ANK2: variants seen among roughly 807,000 people sequenced by gnomAD.
ANK2 encodes the protein ankyrin 2.
In ANK2, 83 loss-of-function variants were observed where a neutral mutation model predicts 360.5. The observed-to-expected ratio is 0.23, with a 90% CI of 0.19 to 0.28. The LOEUF is 0.28. Among genes scored for constraint, ANK2 ranks in the 10% least tolerant of loss-of-function variants. The pLI is 1.00. For missense variants in ANK2, 4,201 were observed against 4,795.7 expected (o/e 0.88, Z 3.66); for synonymous variants, 1,740 against 1,759.5 (o/e 0.99, Z 0.28).
chr4:112,878,443 C>G (rs1208095347), intron 1 of ANK2, among the ~76,000 whole-genome samples: 2 of 152,208 alleles, frequency 1.3e-5, no homozygotes, highest in Non-Finnish European at 2.9e-5. Context: ...TCTCCTGCCT[C>G]AGCCTCCCGA....
chr4:112,907,268 C>T (rs2085553351), intron 2 of ANK2, among the ~76,000 whole-genome samples: 1 of 152,158 alleles, frequency 6.6e-6, no homozygotes, highest in Admixed American at 6.5e-5. Flanking sequence ...GTCCATTTAA[C>T]TAGAAACTCT....
intron 2 of ANK2, among the ~76,000 whole-genome samples, chr4:112,921,335 A>G (rs902655844): frequency 2.2e-5 from 3 of 134,366 alleles, no homozygotes; most frequent in African/African-American, 8.2e-5. Flanking sequence ...GATTCTGTGT[A>G]TTATTTTCTT....
chr4:113,106,483 A>G (rs764542853), intron 1 of ANK2, among the ~76,000 whole-genome samples: 3 of 151,468 alleles, frequency 2.0e-5, no homozygotes, highest in Non-Finnish European at 4.4e-5. Context: ...GATAATTGAA[A>G]CCCTCCACTC....
At chr4:113,248,547 A>G (rs2044285912) in intron 9 of ANK2, among the ~76,000 whole-genome samples, 1 of 152,148 alleles carries the variant, frequency 6.6e-6, no homozygotes, top group African/African-American at 2.4e-5. Flanking sequence ...TACAGTGGCC[A>G]GTCTGTTGGG....
rs544128107 is a variant in ANK2 at position 113,145,671 on chromosome 4, C to T, written c.85-28745C>T. ...GTCACTGAATGCAGCCTGCAGTTGC[C>T]GGGGGTTTTGAGTTCTCTCTGACAC... is the stretch of plus-strand genomic sequence containing the variant. On this transcript the variant is annotated intron_variant, in intron 1 of 45. Coordinates refer to ENST00000357077, the MANE Select transcript of ANK2 (RefSeq NM_001148.6). The T allele has an allele frequency of 3.1e-4, 355 of 1,133,056 alleles. 2 individuals carry two copies. In the South Asian group the frequency reaches 5.2e-3, roughly 17 times the overall value. The allele number at this position is 1,133,056 out of a possible 1,614,324, so 70.2% of individuals were successfully genotyped here. A position where few individuals can be genotyped will look rare whatever the true frequency, so the allele number is the denominator to read the frequency against.
At chr4:113,249,637 C>T in intron 9 of ANK2, 127 bp from the exon 10 acceptor site, 2 of 821,020 alleles carry the variant, frequency 2.4e-6, no homozygotes, top group Non-Finnish European at 4.1e-6. Flanking sequence ...TAACAAATTG[C>T]AGTTCTATTA....
chr4:113,029,416 T>G (rs1265321075), intron 2 of ANK2, among the ~76,000 whole-genome samples: 2 of 152,004 alleles, frequency 1.3e-5, no homozygotes, highest in African/African-American at 4.8e-5. Flanking sequence ...TATTTATTTA[T>G]TTATTTTTTG....
chr4:113,337,584 G>A (rs2093709581), intron 31 of ANK2, among the ~76,000 whole-genome samples: 1 of 152,150 alleles, frequency 6.6e-6, no homozygotes. Context: ...ATCCCTGGAT[G>A]TTTTTGTATT....
chr4:112,851,681 T>C (rs1315270370), intron 1 of ANK2, among the ~76,000 whole-genome samples: 1 of 151,876 alleles, frequency 6.6e-6, no homozygotes, highest in Non-Finnish European at 1.5e-5. Context: ...TAGAGTGCAA[T>C]GGCATGGTCT....
At chr4:113,258,255 G>A in intron 12 of ANK2, 58 bp from the exon 13 acceptor site, 2 of 1,590,260 alleles carry the variant, frequency 1.3e-6, no homozygotes, top group Non-Finnish European at 1.7e-6. Flanking sequence ...TTTATCTGAA[G>A]AAGCCCCAAA....
At chr4:112,989,289 T>A (rs990861254) in intron 2 of ANK2, among the ~76,000 whole-genome samples, 1 of 152,186 alleles carries the variant, frequency 6.6e-6, no homozygotes, top group South Asian at 2.1e-4. Flanking sequence ...TTTAATAATA[T>A]AGCAGAAACT....
intron 2 of ANK2, among the ~76,000 whole-genome samples, chr4:113,012,311 C>T (rs946525285): frequency 2.0e-5 from 3 of 152,076 alleles, no homozygotes; most frequent in Admixed American, 2.0e-4. Context: ...TTTCTGTGCC[C>T]TCATTGATTT....
the ANK2 span, among the ~76,000 whole-genome samples, chr4:112,749,550 C>T: frequency 6.6e-6 from 1 of 152,026 alleles, no homozygotes; most frequent in South Asian, 2.1e-4. Context: ...AGTCACCAAC[C>T]CTGGAGGGCT....
At chr4:113,254,265 CCA>C (rs1266702222) in intron 10 of ANK2, among the ~76,000 whole-genome samples, 3 of 152,164 alleles carry the variant, frequency 2.0e-5, no homozygotes, top group African/African-American at 7.2e-5. Flanking sequence ...TGTCTGTCTT[CCA>C]CACTAGAATG....
intron 24 of ANK2, among the ~76,000 whole-genome samples, chr4:113,311,875 G>T (rs1032586885): frequency 3.9e-5 from 6 of 152,080 alleles, no homozygotes; most frequent in African/African-American, 1.4e-4. Context: ...AAACTGCCTG[G>T]AACTGACTTT....
chr4:112,788,789 G>A, the ANK2 span: 3 of 1,330,542 alleles, frequency 2.3e-6, no homozygotes, highest in South Asian at 1.2e-5. Flanking sequence ...CCTCAAACAG[G>A]GGATTCACCA....
intron 20 of ANK2, among the ~76,000 whole-genome samples, chr4:113,292,038 A>G (rs1284645157): frequency 3.3e-5 from 5 of 152,246 alleles, no homozygotes; most frequent in Non-Finnish European, 7.3e-5. Flanking sequence ...CCCAGGGAAG[A>G]AATCACAGAT....
the ANK2 span, among the ~76,000 whole-genome samples, chr4:112,771,734 C>T: frequency 1.3e-5 from 2 of 151,972 alleles, no homozygotes; most frequent in African/African-American, 2.4e-5. Context: ...TACAGGTGCC[C>T]GCCACCGTGC....
At chr4:113,017,534 C>G (rs1419354382) in intron 2 of ANK2, among the ~76,000 whole-genome samples, 1 of 152,178 alleles carries the variant, frequency 6.6e-6, no homozygotes, top group Non-Finnish European at 1.5e-5. Flanking sequence ...TCTGCAGACT[C>G]TATAATTTAG....
Sources: gnomAD v4.1 joint callset for allele counts (sites outside exome capture counted in the v4.1 genomes callset) on GRCh38, gnomAD v4.1.1 for gene constraint, MANE v1.5 for transcripts, NCBI Gene and HGNC (gene_info 2026-07-23, HGNC 2026-07-21) for gene names.